The following AIPL1 variants were observed in gnomAD, a reference collection of about 807,000 sequenced individuals.
AIPL1 encodes the protein aryl-hydrocarbon-interacting protein-like 1.
AIPL1 carries 23 observed loss-of-function variants against 32.9 expected under a neutral mutation model. The observed-to-expected ratio is 0.70, with a 90% CI of 0.50 to 0.99. The LOEUF is 0.99. Ranked by LOEUF, AIPL1 falls within the 50% of genes least tolerant of loss-of-function variation. The pLI is 0.00. For missense variants in AIPL1, 485 were observed against 506.0 expected (o/e 0.96, Z 0.40); for synonymous variants, 210 against 209.4 (o/e 1.00, Z -0.02).
At chr17:6,432,783 A>C (rs1462394323) in intron 2 of AIPL1, among the ~76,000 whole-genome samples, 1 of 152,144 alleles carries the variant, frequency 6.6e-6, no homozygotes, top group African/African-American at 2.4e-5. Context: ...GGCATGTGCC[A>C]CCACGCCCAG....
rs140717419 is a variant in AIPL1, at chr17:6,428,418, C to T, written c.365G>A (p.Gly122Glu). 6.2e-7 allele frequency: 1 copy of T among 1,613,534 alleles called. No homozygotes were observed. The highest frequency in any genetic ancestry group is 1.3e-5 in the African/African-American group (1 of 74,936). Reference sequence around the variant, plus strand: ...GTGGTAGGCGAACATGTTGGCCAGCCCGCACGTGTGCACGTGCCACTCTGT... The same window carrying T: ...GTGGTAGGCGAACATGTTGGCCAGCTCGCACGTGTGCACGTGCCACTCTGT... ...DPTEWHVHTC[G>E]LANMFAYHTL... Residue 122 changes from glycine (G) to glutamate (E), a missense_variant, in exon 3 of 6, where the codon GGG becomes GAG. By Grantham distance (98) the Gly-to-Glu change is moderately conservative. Coordinates refer to ENST00000381129, the MANE Select transcript of AIPL1 (RefSeq NM_014336.5).
chr17:6,427,127 A>C, intron 3 of AIPL1, 70 bp from the exon 4 acceptor site: 1 of 1,559,384 alleles, frequency 6.4e-7, no homozygotes. Context: ...GACCCGAAAA[A>C]CAGGACCCTG....
intron 3 of AIPL1, among the ~76,000 whole-genome samples, 166 bp from the exon 4 acceptor site, chr17:6,427,223 A>G (rs1173921958): frequency 6.6e-6 from 1 of 152,194 alleles, no homozygotes. Context: ...CCTGCCCTAA[A>G]TCAATGTCTT....
chr17:6,433,086 T>C (rs1912768675), intron 2 of AIPL1, among the ~76,000 whole-genome samples: 1 of 152,230 alleles, frequency 6.6e-6, no homozygotes, highest in Non-Finnish European at 1.5e-5. Context: ...TTATTCTTTC[T>C]GCTGACTTTT....
rs71381392 is a variant in AIPL1 at position 6,434,356 on chromosome 17, C to CTTTTTTTTT, written c.97-267_97-259dup. ...ATCCTTCCTCAAGTAAGCCCGAGTT[C>CTTTTTTTTT]TTTTTTTTTTTTTTTTTTCTGAGAC... On this transcript the variant is annotated intron_variant, in intron 1 of 5. Transcript: ENST00000381129. Among the ~76,000 whole-genome samples, 51 of 105,006 alleles carry CTTTTTTTTT rather than the reference C, an allele frequency of 4.9e-4. 4 individuals carry two copies. The highest frequency in any genetic ancestry group is 1.4e-3 in the African/African-American group (38 of 26,648). 68.9% of individuals were successfully genotyped at this position (105,006 alleles called of 152,430 possible).
At chr17:6,427,226 A>G (rs774340952) in intron 3 of AIPL1, among the ~76,000 whole-genome samples, 169 bp from the exon 4 acceptor site, 21 of 152,186 alleles carry the variant, frequency 1.4e-4, no homozygotes, top group Non-Finnish European at 2.4e-4. Flanking sequence ...GCCCTAAATC[A>G]ATGTCTTTGT....
rs200401166 is a variant in AIPL1, at chr17:6,425,676, C to T, written c.939G>A (p.Ala313=). The T allele has an allele frequency of 1.6e-5, 25 of 1,610,114 alleles. No homozygotes were observed. The highest frequency in any genetic ancestry group is 2.0e-5 in the Non-Finnish European group (24 of 1,179,978). ...RELRLLENRM[A]EKQEEERLRC... ...GCAGCCGCTCCTCCTCCTGCTTCTC[C>T]GCCATGCGGTTCTCCAGCAGCCTCA... Residue 313 remains alanine (A), a synonymous_variant, in exon 6 of 6, where the codon GCG becomes GCA. Transcript: ENST00000381129.
chr17:6,434,101 A>T lies in AIPL1; in HGVS notation c.97-3T>A. On this transcript the variant is annotated splice_region_variant and splice_polypyrimidine_tract_variant and intron_variant, in intron 1 of 5. Transcript: ENST00000381129. The stretch of plus-strand genomic sequence containing the variant: ...ATGGTGCGGAAATGAAAGATCACCT[A>T]GTCACCGAGACGGTGCACTCTGCTC... 1.2e-6 allele frequency: 2 copies of T among 1,612,806 alleles called. No homozygotes were observed. The highest frequency in any genetic ancestry group is 1.7e-6 in the Non-Finnish European group (2 of 1,179,896).
At position 6,426,361 on chromosome 17, in the gene AIPL1, C is replaced by T. The variant is rs1301581207; in HGVS notation, c.784+254G>A. The T allele has an allele frequency of 5.7e-6, 8 of 1,415,806 alleles. No individual in the cohort carries two copies. The South Asian group carries it at 6.1e-5, about 11-fold the overall frequency. 87.7% of individuals were successfully genotyped at this position (1,415,806 alleles called of 1,614,324 possible). On this transcript the variant is annotated intron_variant, in intron 5 of 5. Coordinates refer to ENST00000381129, the MANE Select transcript of AIPL1 (RefSeq NM_014336.5). Reference sequence around the variant, plus strand: ...TTTTTTAAACGCCTGTTTACCGTTCCGCTGAAATCACAAGCTTGGCGAGCT... The same window carrying T: ...TTTTTTAAACGCCTGTTTACCGTTCTGCTGAAATCACAAGCTTGGCGAGCT...
Position 6,427,002 on chromosome 17 carries a change from T to A in AIPL1, c.521A>T (p.Lys174Met). The change falls in exon 4 of 6, where the codon AAG becomes ATG. Residue 174 changes from lysine to methionine, a missense_variant. Transcript: ENST00000381129. ...GTGGAGGACGGGCACCGCCTTCATCTTCTCATGATTGCTCAGGTTCCAGGT... is the reference window on the plus strand; with the variant it reads ...GTGGAGGACGGGCACCGCCTTCATCATCTCATGATTGCTCAGGTTCCAGGT... ...RETWNLSNHEKMKAVPVLHGE... is the reference protein window; with the variant it reads ...RETWNLSNHEMMKAVPVLHGE... The A allele has an allele frequency of 6.2e-7, 1 of 1,614,220 alleles. No individual in the cohort carries two copies. Among genetic ancestry groups the A allele is most frequent in the Non-Finnish European group, 8.5e-7 (1 of 1,180,040 alleles).
In AIPL1 at chr17:6,428,391, G is replaced by GT. The variant is rs899962407; in HGVS notation, c.391dup (p.Thr131AsnfsTer27). The GT allele has an allele frequency of 6.2e-7, 1 of 1,613,050 alleles. No individual in the cohort carries two copies. Among genetic ancestry groups the GT allele is most frequent in the Non-Finnish European group, 8.5e-7 (1 of 1,180,040 alleles). ...CTCGTCCAGGTCCTCGTAGCCCAGC[G>GT]TGTGGTAGGCGAACATGTTGGCCAG... On this transcript the variant is annotated frameshift_variant, in exon 3 of 6. Coordinates refer to ENST00000381129, the MANE Select transcript of AIPL1 (RefSeq NM_014336.5). LOFTEE classifies it high-confidence loss of function.
Position 6,434,027 on chromosome 17 carries a change from G to T in AIPL1, c.168C>A (p.Gly56=). Residue 56 remains glycine, a synonymous_variant, in exon 2 of 6, where the codon GGC becomes GGA. Coordinates refer to ENST00000381129, the MANE Select transcript of AIPL1 (RefSeq NM_014336.5). ...TTCCGATGATGATGTGCATGGGCTG[G>T]CCCACCTGCCGACTGTCGTCAATGA... The part of the protein sequence containing the change: ...RTVIDDSRQV[G]QPMHIIIGNM... The T allele has an allele frequency of 6.2e-7, 1 of 1,614,030 alleles. No individual in the cohort carries two copies. The highest frequency in any genetic ancestry group is 8.5e-7 in the Non-Finnish European group (1 of 1,180,002).
In AIPL1 at chr17:6,425,297, C is replaced by T. The variant is rs796942243; in HGVS notation, c.*163G>A. 4.0e-5 allele frequency: 36 copies of T among 905,684 alleles called. No homozygotes were observed. The African/African-American group carries it at 6.0e-4, about 15-fold the overall frequency. The allele number at this position is 905,684 out of a possible 1,614,324, so 56.1% of individuals were successfully genotyped here. ...CTTTTATTCATAAGCTCTTCTGTACCCTTGGGATTGTTTTTTTTTTTTTTT... is the reference window on the plus strand; with the variant it reads ...CTTTTATTCATAAGCTCTTCTGTACTCTTGGGATTGTTTTTTTTTTTTTTT... On this transcript the variant is annotated 3_prime_UTR_variant, in exon 6 of 6. Coordinates refer to ENST00000381129, the MANE Select transcript of AIPL1 (RefSeq NM_014336.5).
intron 3 of AIPL1, among the ~76,000 whole-genome samples, chr17:6,427,601 C>T (rs1221390759): frequency 6.6e-6 from 1 of 152,142 alleles, no homozygotes; most frequent in Non-Finnish European, 1.5e-5. Flanking sequence ...CACAAACACG[C>T]GCTGCCAATC....
chr17:6,425,307 G>GTTTTGTT lies in AIPL1; in HGVS notation c.*152_*153insAACAAAA. 3 of 744,954 alleles carry GTTTTGTT rather than the reference G, an allele frequency of 4.0e-6. No individual in the cohort carries two copies. The highest frequency in any genetic ancestry group is 5.8e-6 in the Non-Finnish European group (3 of 514,798). 46.1% of individuals were successfully genotyped at this position (744,954 alleles called of 1,614,324 possible). On this transcript the variant is annotated 3_prime_UTR_variant, in exon 6 of 6. Transcript: ENST00000381129. ...TAAGCTCTTCTGTACCCTTGGGATTGTTTTTTTTTTTTTTTTTACCATGGG... is the reference window on the plus strand; with the variant it reads ...TAAGCTCTTCTGTACCCTTGGGATTGTTTTGTTTTTTTTTTTTTTTTTTTACCATGGG...
At chr17:6,431,184 G>A (rs140052224) in intron 2 of AIPL1, among the ~76,000 whole-genome samples, 39 of 152,176 alleles carry the variant, frequency 2.6e-4, no homozygotes, top group African/African-American at 7.2e-4. Context: ...GGTGGCTCAC[G>A]CCTGTAATCC....
chr17:6,428,368 C>T lies in AIPL1; in HGVS notation c.415G>A (p.Glu139Lys), dbSNP rs1351346093. The stretch of plus-strand genomic sequence containing the variant: ...AGAGGCTGAGGCTCCTTCTGCAGCT[C>T]GTCCAGGTCCTCGTAGCCCAGCGTG... ...YHTLGYEDLD[E>K]LQKEPQPLVF... The change falls in exon 3 of 6, where the codon GAG becomes AAG. Residue 139 changes from glutamate (E) to lysine (K), a missense_variant. By Grantham distance (56) the Glu-to-Lys change is moderately conservative. Transcript: ENST00000381129. 9 of 1,612,120 alleles carry T rather than the reference C, an allele frequency of 5.6e-6. No individual in the cohort carries two copies. Among genetic ancestry groups the T allele is most frequent in the Non-Finnish European group, 7.6e-6 (9 of 1,180,038 alleles).
intron 2 of AIPL1, among the ~76,000 whole-genome samples, chr17:6,430,141 C>A (rs80311670): frequency 8.6e-5 from 13 of 150,364 alleles, no homozygotes; most frequent in African/African-American, 3.0e-4. Context: ...AGGAGATGTG[C>A]GGGGCATGGA....
chr17:6,427,169 T>G, intron 3 of AIPL1, 112 bp from the exon 4 acceptor site: 1 of 1,200,606 alleles, frequency 8.3e-7, no homozygotes, highest in East Asian at 2.4e-5. Context: ...TGCTTGCTGG[T>G]CAAGTGCATA....
Sources: gnomAD v4.1 joint callset for allele counts (sites outside exome capture counted in the v4.1 genomes callset) on GRCh38, gnomAD v4.1.1 for gene constraint, MANE v1.5 for transcripts, NCBI Gene and HGNC (gene_info 2026-07-23, HGNC 2026-07-21) for gene names.